SNX13: variants seen among roughly 807,000 people sequenced by gnomAD.
The protein encoded by SNX13 is sorting nexin 13, also known as sorting nexin-13.
SNX13 carries 45 observed loss-of-function variants against 133.6 expected under a neutral mutation model. The observed-to-expected ratio is 0.34, with a 90% CI of 0.27 to 0.43. SNX13 has a LOEUF of 0.43. Among genes scored for constraint, SNX13 ranks in the 20% least tolerant of loss-of-function variants. The probability of loss-of-function intolerance (pLI) is 1.00; values close to 1 mark genes in which losing one functional copy is unlikely to be tolerated. For missense variants in SNX13, 1,032 were observed against 1,145.1 expected (o/e 0.90, Z 1.43); for synonymous variants, 414 against 373.9 (o/e 1.11, Z -1.24).
chr7:17,895,503 T>C (rs1797106463), intron 2 of SNX13, among the ~76,000 whole-genome samples: 1 of 152,158 alleles, frequency 6.6e-6, no homozygotes, highest in South Asian at 2.1e-4. Flanking sequence ...AAACTTAAGT[T>C]TTATTAGAAA....
At chr7:17,797,861 C>G (rs1226372658) in intron 24 of SNX13, among the ~76,000 whole-genome samples, 2 of 151,772 alleles carry the variant, frequency 1.3e-5, no homozygotes, top group Non-Finnish European at 3.0e-5. Flanking sequence ...TTAGAGAAAC[C>G]AGATTCCCCA....
At chr7:17,875,331 A>G (rs1171126817) in intron 7 of SNX13, 149 bp downstream of exon 7, 2 of 609,302 alleles carry the variant, frequency 3.3e-6, no homozygotes, top group Non-Finnish European at 5.5e-6. Flanking sequence ...ACTACTTTTA[A>G]GAGTTACAAA....
chr7:17,915,463 T>C (rs1040996724), intron 1 of SNX13, among the ~76,000 whole-genome samples: 2 of 152,210 alleles, frequency 1.3e-5, no homozygotes, highest in Non-Finnish European at 2.9e-5. Flanking sequence ...GTCAATGATA[T>C]GCGGTAAAGT....
At chr7:17,884,597 T>C (rs1795770146) in intron 5 of SNX13, among the ~76,000 whole-genome samples, 2 of 152,212 alleles carry the variant, frequency 1.3e-5, no homozygotes. Flanking sequence ...GAGTTCCCAC[T>C]TGTGACTTCC....
intron 9 of SNX13, among the ~76,000 whole-genome samples, chr7:17,855,122 T>A (rs886329268): frequency 1.3e-5 from 2 of 152,154 alleles, no homozygotes; most frequent in African/African-American, 4.8e-5. Context: ...GACACAACAT[T>A]CCCTTTGTCC....
At chr7:17,846,873 T>C (rs1790604739) in intron 11 of SNX13, among the ~76,000 whole-genome samples, 2 of 152,114 alleles carry the variant, frequency 1.3e-5, no homozygotes, top group Admixed American at 1.3e-4. Context: ...GAAAATTCGC[T>C]GAGGATAAAG....
At chr7:17,805,353 T>C (rs1451757810) in intron 20 of SNX13, among the ~76,000 whole-genome samples, 2 of 152,060 alleles carry the variant, frequency 1.3e-5, no homozygotes, top group Non-Finnish European at 2.9e-5. Flanking sequence ...GGACATTATT[T>C]GCAACACTGT....
intron 1 of SNX13, among the ~76,000 whole-genome samples, chr7:17,918,510 A>AT (rs1489597638): frequency 3.3e-5 from 5 of 152,192 alleles, no homozygotes; most frequent in Non-Finnish European, 4.4e-5. Context: ...CAGCCAACAT[A>AT]TTTTTTAAAA....
At chr7:17,906,574 C>A (rs1384176372) in intron 1 of SNX13, among the ~76,000 whole-genome samples, 1 of 152,024 alleles carries the variant, frequency 6.6e-6, no homozygotes, top group Non-Finnish European at 1.5e-5. Flanking sequence ...AGGCCTACTC[C>A]TTAACTTCCT....
intron 1 of SNX13, among the ~76,000 whole-genome samples, chr7:17,923,732 G>C (rs73069225): frequency 6.6e-6 from 1 of 152,122 alleles, no homozygotes; most frequent in African/African-American, 2.4e-5. Context: ...TCTTCTTCTC[G>C]GAGTTGTGGC....
intron 1 of SNX13, among the ~76,000 whole-genome samples, chr7:17,905,226 T>C (rs1295952096): frequency 1.3e-5 from 2 of 152,220 alleles, no homozygotes; most frequent in African/African-American, 4.8e-5. Context: ...TGTGTGGGTA[T>C]GAGTACATTT....
chr7:17,851,879 G>A (rs1012733254), intron 9 of SNX13, among the ~76,000 whole-genome samples: 2 of 152,114 alleles, frequency 1.3e-5, no homozygotes, highest in African/African-American at 4.8e-5. Flanking sequence ...GCATTTTAAA[G>A]TCACTGACAT....
At chr7:17,906,431 A>G (rs567157685) in intron 1 of SNX13, among the ~76,000 whole-genome samples, 20 of 152,182 alleles carry the variant, frequency 1.3e-4, no homozygotes, top group South Asian at 6.2e-4. Context: ...TATATATAAA[A>G]TATGTACCAC....
At chr7:17,884,263 G>A (rs1583616516) in intron 5 of SNX13, among the ~76,000 whole-genome samples, 1 of 152,172 alleles carries the variant, frequency 6.6e-6, no homozygotes, top group East Asian at 1.9e-4. Flanking sequence ...TCTTTGGATT[G>A]TGGGTCTATG....
intron 20 of SNX13, among the ~76,000 whole-genome samples, chr7:17,805,258 C>CGCGCGCGT (rs1562663454): frequency 1.2e-5 from 1 of 80,502 alleles, no homozygotes; most frequent in Non-Finnish European, 2.5e-5. Flanking sequence ...TGTGCGTGCG[C>CGCGCGCGT]GCGCGCGCAT....
chr7:17,798,804 G>A, intron 23 of SNX13, 46 bp from the exon 24 acceptor site: 3 of 1,413,390 alleles, frequency 2.1e-6, no homozygotes, highest in Non-Finnish European at 2.9e-6. Context: ...ATTTTAGAAG[G>A]TGAAAAAAAT....
chr7:17,926,872 T>A (rs1340886077), intron 1 of SNX13, among the ~76,000 whole-genome samples: 1 of 152,070 alleles, frequency 6.6e-6, no homozygotes, highest in African/African-American at 2.4e-5. Flanking sequence ...GACGACAAAG[T>A]GAGACCCTGT....
At chr7:17,909,122 C>T (rs1391926165) in intron 1 of SNX13, among the ~76,000 whole-genome samples, 5 of 151,562 alleles carry the variant, frequency 3.3e-5, no homozygotes, top group Non-Finnish European at 7.4e-5. Flanking sequence ...TAGAGAAATG[C>T]TAATCAAAAA....
At chr7:17,859,898 A>T (rs1792427543) in intron 9 of SNX13, among the ~76,000 whole-genome samples, 1 of 152,136 alleles carries the variant, frequency 6.6e-6, no homozygotes, top group Non-Finnish European at 1.5e-5. Flanking sequence ...TTATGCATTC[A>T]TCTGTTGATA....
Sources: gnomAD v4.1 joint callset for allele counts (sites outside exome capture counted in the v4.1 genomes callset) on GRCh38, gnomAD v4.1.1 for gene constraint, MANE v1.5 for transcripts, NCBI Gene and HGNC (gene_info 2026-07-23, HGNC 2026-07-21) for gene names.